Variants in STK32B observed in about 807,000 individuals in gnomAD.
The protein encoded by STK32B is serine/threonine-protein kinase 32B.
A neutral mutation model predicts 52.6 loss-of-function variants in STK32B; 43 were observed. The observed-to-expected ratio is 0.82, with a 90% CI of 0.64 to 1.05. STK32B has a LOEUF of 1.05. Among genes scored for constraint, STK32B ranks in the 50% least tolerant of loss-of-function variants. The pLI is 0.00. For missense variants in STK32B, 621 were observed against 534.6 expected (o/e 1.16, Z -1.59); for synonymous variants, 238 against 204.3 (o/e 1.17, Z -1.41).
chr4:5,145,187 T>C (rs1716815271), intron 2 of STK32B, among the ~76,000 whole-genome samples: 1 of 152,234 alleles, frequency 6.6e-6, no homozygotes, highest in Non-Finnish European at 1.5e-5. Flanking sequence ...CACCAATGTC[T>C]TCCACCTCCA....
intron 3 of STK32B, among the ~76,000 whole-genome samples, chr4:5,171,040 T>C (rs1301350866): frequency 9.2e-5 from 14 of 152,064 alleles, no homozygotes; most frequent in Non-Finnish European, 1.9e-4. Flanking sequence ...TTTTGATTTG[T>C]ATTTCTCTGA....
intron 3 of STK32B, among the ~76,000 whole-genome samples, chr4:5,256,421 T>G (rs1393964929): frequency 1.3e-5 from 2 of 152,204 alleles, no homozygotes; most frequent in African/African-American, 4.8e-5. Context: ...TGGAAGGAGT[T>G]TGGTACTTAA....
chr4:5,434,219 G>A (rs190721589), intron 6 of STK32B, among the ~76,000 whole-genome samples: 25 of 152,152 alleles, frequency 1.6e-4, no homozygotes, highest in Non-Finnish European at 2.9e-4. Flanking sequence ...GCACTGTCAG[G>A]GAATGTGAAT....
chr4:5,095,489 C>A (rs984477929), intron 1 of STK32B, among the ~76,000 whole-genome samples: 1 of 152,128 alleles, frequency 6.6e-6, no homozygotes, highest in Non-Finnish European at 1.5e-5. Flanking sequence ...GTGGCACATG[C>A]CTGTAGTCCC....
At position 5,466,562 on chromosome 4, in the gene STK32B, G is replaced by T. The variant is rs1043372695; in HGVS notation, c.910-141G>T. 7 of 1,167,722 alleles carry T rather than the reference G, an allele frequency of 6.0e-6. No homozygotes were observed. In the Admixed American group the frequency reaches 1.5e-4, roughly 25 times the overall value. The allele number at this position is 1,167,722 out of a possible 1,614,324, so 72.3% of individuals were successfully genotyped here. A position where few individuals can be genotyped will look rare whatever the true frequency, so the allele number is the denominator to read the frequency against. On this transcript the variant is annotated intron_variant, in intron 9 of 11. Transcript: ENST00000282908. The stretch of plus-strand genomic sequence containing the variant: ...TGTTGCTTTTTATCATCAGAAAACA[G>T]AAACAAAGGTAACCCGTGTATCCAA...
intron 4 of STK32B, among the ~76,000 whole-genome samples, chr4:5,335,783 G>A (rs1186691309): frequency 6.6e-6 from 1 of 152,008 alleles, no homozygotes; most frequent in Non-Finnish European, 1.5e-5. Context: ...ATGTAGTTGA[G>A]CAGTTTTGAG....
chr4:5,232,455 A>C (rs926255833), intron 3 of STK32B, among the ~76,000 whole-genome samples: 3 of 152,216 alleles, frequency 2.0e-5, no homozygotes, highest in Non-Finnish European at 2.9e-5. Flanking sequence ...CAATTGAGGG[A>C]CACGATAATT....
intron 3 of STK32B, among the ~76,000 whole-genome samples, chr4:5,198,500 C>T (rs918189294): frequency 6.6e-6 from 1 of 152,140 alleles, no homozygotes; most frequent in Non-Finnish European, 1.5e-5. Flanking sequence ...CATGAATGTT[C>T]GAGTTGGGTA....
At chr4:5,334,407 A>G (rs1365548988) in intron 4 of STK32B, among the ~76,000 whole-genome samples, 304 of 152,236 alleles carry the variant, frequency 2.0e-3, no homozygotes, top group South Asian at 6.2e-3. Context: ...TAGGTATACA[A>G]TCATGTCATC....
chr4:5,272,378 T>C (rs1727502083), intron 3 of STK32B, among the ~76,000 whole-genome samples: 1 of 145,734 alleles, frequency 6.9e-6, no homozygotes, highest in Non-Finnish European at 1.5e-5. Flanking sequence ...GTGGATAAGC[T>C]TTTTGATGTG....
At chr4:5,492,828 G>A (rs1415415557) in intron 11 of STK32B, among the ~76,000 whole-genome samples, 9 of 151,214 alleles carry the variant, frequency 6.0e-5, no homozygotes, top group African/African-American at 2.0e-4. Context: ...CATCTGTTGA[G>A]ATAATCATGT....
intron 3 of STK32B, among the ~76,000 whole-genome samples, chr4:5,174,251 A>T (rs1329458501): frequency 1.3e-5 from 2 of 152,026 alleles, no homozygotes; most frequent in East Asian, 1.9e-4. Flanking sequence ...TTGACTCTTT[A>T]TCCAGTTTGC....
intron 3 of STK32B, among the ~76,000 whole-genome samples, chr4:5,255,781 C>T (rs182785377): frequency 1.3e-5 from 2 of 152,054 alleles, no homozygotes; most frequent in Non-Finnish European, 1.5e-5. Flanking sequence ...TTCATTATTG[C>T]CTACTCTTCT....
At chr4:5,105,638 A>G (rs1027800153) in intron 1 of STK32B, among the ~76,000 whole-genome samples, 3 of 151,550 alleles carry the variant, frequency 2.0e-5, no homozygotes, top group Non-Finnish European at 2.9e-5. Context: ...ATCTTGGCTC[A>G]CTGCAAGCTC....
At chr4:5,035,316 A>G in the STK32B span, among the ~76,000 whole-genome samples, 9 of 152,364 alleles carry the variant, frequency 5.9e-5, no homozygotes, top group African/African-American at 2.2e-4. Context: ...ATGGAAAAAT[A>G]ATCTTTCTAG....
At position 5,499,422 on chromosome 4, in the gene STK32B, C is replaced by A; in HGVS notation, c.*339C>A. ...ATATTTATAAAATCATTTTTACGTG[C>A]AAAATATAACCTTAATATTTGAAGT... On this transcript the variant is annotated 3_prime_UTR_variant, in exon 12 of 12. Transcript: ENST00000282908. The A allele has an allele frequency of 4.0e-6, 1 of 250,384 alleles. No individual in the cohort carries two copies. The highest frequency in any genetic ancestry group is 7.5e-6 in the Non-Finnish European group (1 of 132,990). The allele number at this position is 250,384 out of a possible 1,614,324, so 15.5% of individuals were successfully genotyped here.
intron 1 of STK32B, among the ~76,000 whole-genome samples, chr4:5,111,707 G>T (rs368828127): frequency 6.6e-6 from 1 of 151,978 alleles, no homozygotes; most frequent in Non-Finnish European, 1.5e-5. Context: ...GTCATTATGC[G>T]TCTGATACCC....
At chr4:5,282,675 G>A (rs1418178888) in intron 3 of STK32B, among the ~76,000 whole-genome samples, 1 of 152,104 alleles carries the variant, frequency 6.6e-6, no homozygotes, top group Non-Finnish European at 1.5e-5. Context: ...GACAGAAGAA[G>A]GATCATCTAC....
intron 3 of STK32B, among the ~76,000 whole-genome samples, chr4:5,188,444 C>T (rs1044681766): frequency 2.0e-5 from 3 of 152,104 alleles, no homozygotes; most frequent in African/African-American, 7.2e-5. Flanking sequence ...GCGCACATGC[C>T]CCTTCTCCGA....
Sources: gnomAD v4.1 joint callset for allele counts (sites outside exome capture counted in the v4.1 genomes callset) on GRCh38, gnomAD v4.1.1 for gene constraint, MANE v1.5 for transcripts, NCBI Gene and HGNC (gene_info 2026-07-23, HGNC 2026-07-21) for gene names.